The following DGKI variants were observed in gnomAD, a reference collection of about 807,000 sequenced individuals.
The protein encoded by DGKI is diacylglycerol kinase iota, also known as DAG kinase iota.
In DGKI, 55 loss-of-function variants were observed where a neutral mutation model predicts 147.5. That is an observed-to-expected ratio of 0.37 (90% CI 0.30 to 0.47). The LOEUF is 0.47. DGKI is among the 20% of genes least tolerant of loss of function. The pLI is 1.00. For synonymous variants in DGKI, 469 were observed against 477.1 expected (o/e 0.98, Z 0.22); for missense variants, 1,007 against 1,323.8 (o/e 0.76, Z 3.71).
intron 21 of DGKI, among the ~76,000 whole-genome samples, chr7:137,492,993 T>C (rs1031829987): frequency 6.6e-6 from 1 of 152,180 alleles, no homozygotes; most frequent in African/African-American, 2.4e-5. Flanking sequence ...TGTACCACTT[T>C]GCTGGCATGC....
At chr7:137,462,267 G>A (rs1336105093) in intron 27 of DGKI, among the ~76,000 whole-genome samples, 3 of 152,106 alleles carry the variant, frequency 2.0e-5, no homozygotes, top group Non-Finnish European at 4.4e-5. Context: ...ATTCGTGGGT[G>A]GCTGACTCAC....
intron 6 of DGKI, among the ~76,000 whole-genome samples, chr7:137,641,490 T>C (rs1821623966): frequency 6.6e-6 from 1 of 152,194 alleles, no homozygotes; most frequent in Admixed American, 6.5e-5. Flanking sequence ...TGATAGCTCG[T>C]AGTAAAAACG....
intron 28 of DGKI, among the ~76,000 whole-genome samples, chr7:137,428,968 C>T (rs1000064243): frequency 6.6e-6 from 1 of 151,990 alleles, no homozygotes; most frequent in Admixed American, 6.6e-5. Flanking sequence ...GTGAAAATGG[C>T]CATACTGCCC....
chr7:137,545,237 A>G (rs760937852), intron 20 of DGKI, among the ~76,000 whole-genome samples: 11 of 152,242 alleles, frequency 7.2e-5, no homozygotes, highest in Non-Finnish European at 1.0e-4. Context: ...TCCCTGAAAC[A>G]TAATAAATGC....
In DGKI at chr7:137,846,955, C is replaced by T; in HGVS notation, c.-93G>A. 1.0e-6 allele frequency: 1 copy of T among 967,540 alleles called. No homozygotes were observed. The highest frequency in any genetic ancestry group is 1.2e-6 in the Non-Finnish European group (1 of 803,354). The allele number at this position is 967,540 out of a possible 1,614,324, so 59.9% of individuals were successfully genotyped here. A position where few individuals can be genotyped will look rare whatever the true frequency, so the allele number is the denominator to read the frequency against. On this transcript the variant is annotated 5_prime_UTR_variant, in exon 1 of 33. Coordinates refer to ENST00000614521, the MANE Select transcript of DGKI (RefSeq NM_001321708.2). This position sits in a 1 kb window ranked among gnomAD's most constrained non-coding sequence, Gnocchi z 4.0. ...GCCGCCGCTCCCCGCCTCCCGCGCC[C>T]TCCCGCGCCGGCCCGCACCCTCCAG...
At chr7:137,417,674 C>A (rs188000055) in intron 28 of DGKI, among the ~76,000 whole-genome samples, 514 of 152,286 alleles carry the variant, frequency 3.4e-3, no homozygotes, top group Non-Finnish European at 5.9e-3. Context: ...GAAACTTAAT[C>A]CCCAGTGTGG....
At chr7:137,585,374 C>T (rs1443712364) in intron 13 of DGKI, 28 bp from the exon 14 acceptor site, 7 of 1,611,434 alleles carry the variant, frequency 4.3e-6, no homozygotes. Context: ...ATATCCATTG[C>T]TGTCCAGAGT....
chr7:137,532,665 C>G (rs1179446067), intron 20 of DGKI, among the ~76,000 whole-genome samples: 1 of 152,118 alleles, frequency 6.6e-6, no homozygotes, highest in Non-Finnish European at 1.5e-5. Context: ...CCCAAGGTTT[C>G]TTGTCGGAAA....
chr7:137,634,062 G>A (rs995471638), intron 6 of DGKI, among the ~76,000 whole-genome samples: 2 of 152,208 alleles, frequency 1.3e-5, no homozygotes, highest in Non-Finnish European at 2.9e-5. Context: ...GGGGTCAGTA[G>A]TCCAAGGTAT....
At chr7:137,732,381 A>C (rs988487744) in intron 1 of DGKI, among the ~76,000 whole-genome samples, 7 of 152,088 alleles carry the variant, frequency 4.6e-5, no homozygotes, top group African/African-American at 7.2e-5. Flanking sequence ...TACTTGCTAT[A>C]ATAAAATATT....
intron 8 of DGKI, among the ~76,000 whole-genome samples, chr7:137,617,303 G>A (rs558823397): frequency 3.9e-5 from 6 of 152,010 alleles, no homozygotes; most frequent in Admixed American, 6.6e-5. Context: ...TTTCATCAAC[G>A]GGTAAGTGGC....
chr7:137,724,995 T>C (rs1794679083), intron 1 of DGKI, among the ~76,000 whole-genome samples: 1 of 151,856 alleles, frequency 6.6e-6, no homozygotes, highest in Non-Finnish European at 1.5e-5. Context: ...AAGCAGCCAG[T>C]GATGGAGGAG....
chr7:137,587,363 A>C (rs1819443565), intron 12 of DGKI, among the ~76,000 whole-genome samples, 153 bp from the exon 13 acceptor site: 1 of 152,230 alleles, frequency 6.6e-6, no homozygotes, highest in South Asian at 2.1e-4. Context: ...AGGGAACAGA[A>C]AGGTCGCTTA....
intron 8 of DGKI, among the ~76,000 whole-genome samples, chr7:137,617,914 T>C (rs188942129): frequency 2.6e-5 from 4 of 151,508 alleles, no homozygotes; most frequent in Admixed American, 1.3e-4. Flanking sequence ...GAAAAGTTGA[T>C]GGCTAGAGGA....
At chr7:137,525,891 G>T (rs10262297) in intron 20 of DGKI, among the ~76,000 whole-genome samples, 12 of 152,002 alleles carry the variant, frequency 7.9e-5, no homozygotes, top group African/African-American at 2.2e-4. Flanking sequence ...GGCTACCTCT[G>T]GGGGGAGATT....
chr7:137,395,783 C>A, intron 31 of DGKI, 86 bp from the exon 32 acceptor site: 1 of 1,219,780 alleles, frequency 8.2e-7, no homozygotes, highest in East Asian at 2.4e-5. Flanking sequence ...TAGGGTGCTC[C>A]TCAGCCTCCT....
At chr7:137,696,214 CAGA>C (rs1180523478) in intron 1 of DGKI, among the ~76,000 whole-genome samples, 2 of 152,152 alleles carry the variant, frequency 1.3e-5, no homozygotes, top group African/African-American at 2.4e-5. Flanking sequence ...GTTATTCAAA[CAGA>C]AGATTTCCTC....
chr7:137,815,414 T>A lies in DGKI; in HGVS notation c.401+31048A>T, dbSNP rs183705604. Among the ~76,000 whole-genome samples, 30 of 152,180 alleles carry A rather than the reference T, an allele frequency of 2.0e-4. No individual in the cohort carries two copies. In the East Asian group the frequency reaches 5.8e-3, roughly 29 times the overall value. ...AATGGCTTGCCTAAGAAGTCGGGGG[T>A]TGAGTGTATTTTGAAATAGAAAAAA... On this transcript the variant is annotated intron_variant, in intron 1 of 32. Transcript: ENST00000614521.
chr7:137,540,841 T>C (rs1449122799), intron 20 of DGKI, among the ~76,000 whole-genome samples: 2 of 62,702 alleles, frequency 3.2e-5, no homozygotes, highest in South Asian at 8.4e-4. Context: ...TCTAACAAAA[T>C]AGGTATAAAA....
Sources: allele counts gnomAD v4.1 joint callset (sites outside exome capture counted in the v4.1 genomes callset), GRCh38; gene constraint gnomAD v4.1.1; non-coding constraint Gnocchi (gnomAD v3.1); transcripts MANE v1.5; gene names NCBI Gene and HGNC (gene_info 2026-07-23, HGNC 2026-07-21).